The following OTUD7B variants were observed in gnomAD, a reference collection of about 807,000 sequenced individuals.
OTUD7B encodes OTU deubiquitinase 7B.
A neutral mutation model predicts 82.2 loss-of-function variants in OTUD7B; 34 were observed. The ratio of observed to expected loss-of-function variants is 0.41; its 90% CI spans 0.31 to 0.55. The LOEUF (loss-of-function observed/expected upper bound fraction) is 0.55, where lower values mean the gene tolerates loss of function less well. OTUD7B is among the 20% of genes least tolerant of loss of function. The pLI, the probability that OTUD7B is intolerant of heterozygous loss-of-function variation, is 0.20. For missense variants in OTUD7B, 944 were observed against 1,062.1 expected (o/e 0.89, Z 1.55); for synonymous variants, 398 against 402.7 (o/e 0.99, Z 0.14).
At chr1:149,962,900 C>A (rs1002203201) in intron 6 of OTUD7B, 1 of 152,180 alleles carries the variant, frequency 6.6e-6, no homozygotes, top group Non-Finnish European at 1.5e-5. Flanking sequence ...AAGCTTTCCA[C>A]GAGATCCAGC....
chr1:150,061,455 G>A, the OTUD7B span, among the ~76,000 whole-genome samples: 13 of 151,906 alleles, frequency 8.6e-5, no homozygotes, highest in Non-Finnish European at 1.3e-4. Flanking sequence ...TTCTGTTGAC[G>A]GACATTTAGG....
At chr1:149,953,790 A>G (rs1559831130) in intron 7 of OTUD7B, among the ~76,000 whole-genome samples, 1 of 152,048 alleles carries the variant, frequency 6.6e-6, no homozygotes, top group Non-Finnish European at 1.5e-5. Flanking sequence ...ATTTCTAGGT[A>G]TTTTATTCTC....
chr1:150,060,169 G>A, the OTUD7B span, among the ~76,000 whole-genome samples: 10 of 152,238 alleles, frequency 6.6e-5, no homozygotes, highest in Admixed American at 6.5e-4. Flanking sequence ...GCTATTAGGT[G>A]ACATCTAGGG....
At chr1:150,022,083 T>C in the OTUD7B span, among the ~76,000 whole-genome samples, 5 of 152,090 alleles carry the variant, frequency 3.3e-5, no homozygotes, top group African/African-American at 1.2e-4. Context: ...CCACAGTCTT[T>C]AGCTGTGTCA....
At chr1:149,973,752 C>T (rs890450424) in intron 2 of OTUD7B, among the ~76,000 whole-genome samples, 2 of 152,014 alleles carry the variant, frequency 1.3e-5, no homozygotes, top group African/African-American at 2.4e-5. Context: ...TCCCAAAGTG[C>T]TGGGGTTACA....
Position 149,940,951 on chromosome 1 carries a change from G to T in OTUD7B, c.*2906C>A, listed in dbSNP as rs2092757853. On this transcript the variant is annotated 3_prime_UTR_variant, in exon 12 of 12. Coordinates refer to ENST00000581312, the MANE Select transcript of OTUD7B (RefSeq NM_020205.4). ...CTATAAAAAATATCCATTGTCTCAG[G>T]GTCTCTCATCCTTAGAATGGAGAGG... 6.6e-6 allele frequency: 1 copy of T among 151,022 alleles called. No individual in the cohort carries two copies. The highest frequency in any genetic ancestry group is 6.6e-5 in the Admixed American group (1 of 15,154). 9.4% of individuals were successfully genotyped at this position (151,022 alleles called of 1,614,324 possible).
chr1:150,031,581 AT>A, the OTUD7B span, among the ~76,000 whole-genome samples: 1 of 152,226 alleles, frequency 6.6e-6, no homozygotes, highest in African/African-American at 2.4e-5. Flanking sequence ...GCACCAAAAT[AT>A]AGAAAATAAA....
chr1:150,047,984 T>C, the OTUD7B span: 1 of 152,054 alleles, frequency 6.6e-6, no homozygotes, highest in Non-Finnish European at 1.5e-5. Flanking sequence ...TTTAAACATC[T>C]TAATTAAAAA....
chr1:150,026,922 T>C, the OTUD7B span, among the ~76,000 whole-genome samples: 1 of 152,172 alleles, frequency 6.6e-6, no homozygotes, highest in Admixed American at 6.5e-5. Flanking sequence ...CAAAAGTATA[T>C]TTATATTTAG....
chr1:149,945,932 T>C (rs1183123108), intron 11 of OTUD7B, among the ~76,000 whole-genome samples: 2 of 151,460 alleles, frequency 1.3e-5, no homozygotes, highest in East Asian at 1.9e-4. Flanking sequence ...TGGTGGTGCA[T>C]GTCTGTAATC....
At chr1:150,010,111 T>C (rs587699629) in intron 1 of OTUD7B, among the ~76,000 whole-genome samples, 7 of 152,288 alleles carry the variant, frequency 4.6e-5, no homozygotes, top group African/African-American at 1.7e-4. Context: ...ATACACTGCA[T>C]CTTAATCACC....
intron 1 of OTUD7B, among the ~76,000 whole-genome samples, chr1:149,984,450 TACTG>T (rs782407876): frequency 6.6e-6 from 1 of 152,300 alleles, no homozygotes; most frequent in East Asian, 1.9e-4. Flanking sequence ...ATTTGACACT[TACTG>T]ACCACTCTTC....
the OTUD7B span, among the ~76,000 whole-genome samples, chr1:150,051,958 T>C: frequency 3.3e-5 from 5 of 152,180 alleles, no homozygotes; most frequent in Admixed American, 6.5e-5. Context: ...TATTTCAATA[T>C]AAAAATATTA....
At chr1:149,999,252 A>T (rs1288082721) in intron 1 of OTUD7B, among the ~76,000 whole-genome samples, 1 of 152,266 alleles carries the variant, frequency 6.6e-6, no homozygotes, top group Admixed American at 6.5e-5. Flanking sequence ...TAAAGTTGTT[A>T]AAATGACAGG....
rs1553771045 is a variant in OTUD7B, at chr1:149,943,811, G to A, written c.*46C>T. The A allele has an allele frequency of 1.3e-6, 2 of 1,568,412 alleles. No homozygotes were observed. The highest frequency in any genetic ancestry group is 2.1e-4 in the Middle Eastern group (1 of 4,876). On this transcript the variant is annotated 3_prime_UTR_variant, in exon 12 of 12. Coordinates refer to ENST00000581312, the MANE Select transcript of OTUD7B (RefSeq NM_020205.4). ...TGTGTTCTTGATGAGCCAATTAGTT[G>A]AGCTTAACTTTGTTTAGCCTCCTTG...
chr1:149,943,565 G>T lies in OTUD7B; in HGVS notation c.*292C>A. ...CCCTGCTACTTTCTCTTAGGTCCCTGGATGGGACCCAGGAGGTTATAAGAC... is the reference window on the plus strand; with the variant it reads ...CCCTGCTACTTTCTCTTAGGTCCCTTGATGGGACCCAGGAGGTTATAAGAC... On this transcript the variant is annotated 3_prime_UTR_variant, in exon 12 of 12. Coordinates refer to ENST00000581312, the MANE Select transcript of OTUD7B (RefSeq NM_020205.4). The T allele has an allele frequency of 6.1e-6, 2 of 325,574 alleles. No homozygotes were observed. The highest frequency in any genetic ancestry group is 1.1e-5 in the Non-Finnish European group (2 of 176,914). The allele number at this position is 325,574 out of a possible 1,614,324, so 20.2% of individuals were successfully genotyped here. A position where few individuals can be genotyped will look rare whatever the true frequency, so the allele number is the denominator to read the frequency against.
the OTUD7B span, among the ~76,000 whole-genome samples, chr1:150,019,604 G>A: frequency 6.6e-6 from 1 of 152,122 alleles, no homozygotes; most frequent in Admixed American, 6.5e-5. Flanking sequence ...TGAACTCGGT[G>A]ATCCACCCAC....
chr1:149,944,803 C>G lies in OTUD7B; in HGVS notation c.1586G>C (p.Gly529Ala). 6.2e-7 allele frequency: 1 copy of G among 1,614,152 alleles called. No individual in the cohort carries two copies. Among genetic ancestry groups the G allele is most frequent in the Non-Finnish European group, 8.5e-7 (1 of 1,180,030 alleles). ...KNMGGLMHSK[G>A]SKPGGVGTGL... ...TGTCCCCACCCCTCCAGGCTTTGAA[C>G]CCTTGCTGTGCATCAGGCCCCCCAT... The change falls in exon 12 of 12, where the codon GGT becomes GCT. Residue 529 changes from glycine to alanine, a missense_variant. Physicochemically the swap from Gly to Ala is moderately conservative, Grantham distance 60 (BLOSUM62 0). Coordinates refer to ENST00000581312, the MANE Select transcript of OTUD7B (RefSeq NM_020205.4).
chr1:149,971,280 T>C, intron 2 of OTUD7B, 29 bp from the exon 3 acceptor site: 1 of 1,548,614 alleles, frequency 6.5e-7, no homozygotes, highest in Non-Finnish European at 8.9e-7. Flanking sequence ...AAAAGCAAAC[T>C]GTGCAACCAT....
Sources: gnomAD v4.1 joint callset for allele counts (sites outside exome capture counted in the v4.1 genomes callset) on GRCh38, gnomAD v4.1.1 for gene constraint, MANE v1.5 for transcripts, NCBI Gene and HGNC (gene_info 2026-07-23, HGNC 2026-07-21) for gene names.